MTA1: variants seen among roughly 807,000 people sequenced by gnomAD.
MTA1 encodes the protein metastasis-associated protein MTA1.
MTA1 carries 15 observed loss-of-function variants against 97.0 expected under a neutral mutation model. That is an observed-to-expected ratio of 0.15 (90% CI 0.10 to 0.24). The LOEUF is 0.24. Ranked by LOEUF, MTA1 falls within the 10% of genes least tolerant of loss-of-function variation. The pLI, the probability that MTA1 is intolerant of heterozygous loss-of-function variation, is 1.00. For missense variants in MTA1, 709 were observed against 1,015.1 expected (o/e 0.70, Z 4.10); for synonymous variants, 435 against 417.5 (o/e 1.04, Z -0.51).
intron 18 of MTA1, chr14:105,467,732 G>T (rs1254878691): frequency 3.0e-6 from 1 of 332,480 alleles, no homozygotes; most frequent in Non-Finnish European, 5.9e-6. Flanking sequence ...CTAGTCCTGG[G>T]CCCAGGGCCA....
chr14:105,470,258 C>T lies in MTA1; in HGVS notation c.*43C>T. 1 of 1,399,476 alleles carries T rather than the reference C, an allele frequency of 7.1e-7. No individual in the cohort carries two copies. The highest frequency in any genetic ancestry group is 9.2e-7 in the Non-Finnish European group (1 of 1,081,132). 86.7% of individuals were successfully genotyped at this position (1,399,476 alleles called of 1,614,324 possible). A position where few individuals can be genotyped will look rare whatever the true frequency, so the allele number is the denominator to read the frequency against. ...GGCCGCCCCCCGCCCCTCGCCCGCC[C>T]ACACGGCCCCTTCCCAGCCAGCCCG... On this transcript the variant is annotated 3_prime_UTR_variant, in exon 21 of 21. Coordinates refer to ENST00000331320, the MANE Select transcript of MTA1 (RefSeq NM_004689.4).
At chr14:105,466,603 G>C (rs924873210) in intron 17 of MTA1, 25 bp downstream of exon 17, 2 of 1,568,954 alleles carry the variant, frequency 1.3e-6, no homozygotes, top group Non-Finnish European at 1.7e-6. Flanking sequence ...CGCCCGGTGA[G>C]TGTGGCCCTC....
rs1555421906 is a variant in MTA1 at position 105,424,998 on chromosome 14, G to T, written c.28+4935G>T. Among the ~76,000 whole-genome samples, 3 of 152,226 alleles carry T rather than the reference G, an allele frequency of 2.0e-5. No individual in the cohort carries two copies. The highest frequency in any genetic ancestry group is 4.4e-5 in the Non-Finnish European group (3 of 68,032). ...TGGCCCTGCAGGCATCCTACCTAGAGGTGGGTCCCCAGCTGCGCATCTGGA... is the reference window on the plus strand; with the variant it reads ...TGGCCCTGCAGGCATCCTACCTAGATGTGGGTCCCCAGCTGCGCATCTGGA... On this transcript the variant is annotated intron_variant, in intron 1 of 20. Transcript: ENST00000331320. The surrounding 1 kb of genome is among the most constrained non-coding windows in gnomAD (Gnocchi z 4.0).
Position 105,420,002 on chromosome 14 carries a change from CGCCCCGGGCCCCTCCGCCGCCGCCG to C in MTA1, c.-29_-5del. 9.8e-7 allele frequency: 1 copy of C among 1,021,080 alleles called. No homozygotes were observed. Among genetic ancestry groups the C allele is most frequent in the Non-Finnish European group, 1.2e-6 (1 of 856,982 alleles). The allele number at this position is 1,021,080 out of a possible 1,614,324, so 63.3% of individuals were successfully genotyped here. A position where few individuals can be genotyped will look rare whatever the true frequency, so the allele number is the denominator to read the frequency against. On this transcript the variant is annotated 5_prime_UTR_variant, in exon 1 of 21. Transcript: ENST00000331320. This position sits in a 1 kb window ranked among gnomAD's most constrained non-coding sequence, Gnocchi z 5.3. ...GGCCGCCCGCGCCGAGCGCCGCGCC[CGCCCCGGGCCCCTCCGCCGCCGCCG>C]GCCCGGACATGGCCGCCAACATGTA...
chr14:105,456,859 C>T (rs1468249063), intron 7 of MTA1, among the ~76,000 whole-genome samples: 2 of 152,236 alleles, frequency 1.3e-5, no homozygotes, highest in African/African-American at 4.8e-5. Context: ...CAGCCCCAGT[C>T]CCTGGCTGAC....
chr14:105,427,654 G>T (rs2082051836), intron 1 of MTA1, among the ~76,000 whole-genome samples: 1 of 152,142 alleles, frequency 6.6e-6, no homozygotes, highest in East Asian at 1.9e-4. Flanking sequence ...AGTATTAGTG[G>T]TGACTTTATG....
At chr14:105,447,159 C>T (rs1054193019) in intron 3 of MTA1, among the ~76,000 whole-genome samples, 6 of 152,056 alleles carry the variant, frequency 3.9e-5, no homozygotes, top group African/African-American at 7.2e-5. Context: ...AGGGCTGGCC[C>T]GCTGGAGAAG....
intron 2 of MTA1, among the ~76,000 whole-genome samples, chr14:105,444,256 T>A (rs1488301868): frequency 5.9e-5 from 9 of 151,710 alleles, no homozygotes; most frequent in African/African-American, 2.2e-4. Flanking sequence ...GCGCCTGTAG[T>A]CCCAGCTACT....
At chr14:105,451,829 T>C (rs939896359) in intron 6 of MTA1, among the ~76,000 whole-genome samples, 12 of 143,884 alleles carry the variant, frequency 8.3e-5, no homozygotes, top group African/African-American at 2.3e-4. Context: ...TCGCTCTTGT[T>C]GCCCAGGCTG....
rs1224822668 is a variant in MTA1, at chr14:105,419,948, C to A, written c.-88C>A. The A allele has an allele frequency of 4.0e-6, 2 of 496,482 alleles. No individual in the cohort carries two copies. Among genetic ancestry groups the A allele is most frequent in the East Asian group, 2.9e-4 (2 of 6,934 alleles). 30.8% of individuals were successfully genotyped at this position (496,482 alleles called of 1,614,324 possible). A position where few individuals can be genotyped will look rare whatever the true frequency, so the allele number is the denominator to read the frequency against. On this transcript the variant is annotated 5_prime_UTR_variant, in exon 1 of 21. Transcript: ENST00000331320. ...CCCTTTAAACGCCTGCGGCGCCCCC[C>A]GCCCCCGCCATCGCGCCTCCATTTT...
intron 10 of MTA1, among the ~76,000 whole-genome samples, chr14:105,461,565 G>T (rs2083347876): frequency 6.6e-6 from 1 of 152,242 alleles, no homozygotes; most frequent in Non-Finnish European, 1.5e-5. Flanking sequence ...ACTGTGGCAG[G>T]GCAGGGAGGA....
intron 1 of MTA1, 46 bp from the exon 2 acceptor site, chr14:105,438,626 T>G (rs1180416616): frequency 1.3e-6 from 2 of 1,584,384 alleles, no homozygotes; most frequent in Non-Finnish European, 1.7e-6. Flanking sequence ...GGACTGGGTC[T>G]GGCCTTTGGT....
rs587728000 is a variant in MTA1, at chr14:105,436,576, G to A, written c.29-2096G>A. 6.4e-3 allele frequency among the ~76,000 whole-genome samples: 980 copies of A among 152,192 alleles called. 17 individuals carry two copies. Among genetic ancestry groups the A allele is most frequent in the African/African-American group, 0.02 (844 of 41,532 alleles). ...GTAGGTGGCCCCACTGCACGCAGCC[G>A]TCGTGCCTGCCACCTCCCCCGAGAG... is the stretch of plus-strand genomic sequence containing the variant. On this transcript the variant is annotated intron_variant, in intron 1 of 20. Coordinates refer to ENST00000331320, the MANE Select transcript of MTA1 (RefSeq NM_004689.4).
chr14:105,427,864 C>CA (rs1292691235), intron 1 of MTA1, among the ~76,000 whole-genome samples: 1 of 151,584 alleles, frequency 6.6e-6, no homozygotes, highest in African/African-American at 2.4e-5. Context: ...ACTAAAAATA[C>CA]AAAAAAAGCC....
intron 1 of MTA1, among the ~76,000 whole-genome samples, chr14:105,433,186 C>T (rs1171622163): frequency 6.6e-6 from 1 of 152,196 alleles, no homozygotes; most frequent in Admixed American, 6.5e-5. Flanking sequence ...TCCGGCGTCT[C>T]TCCCAGCAGA....
At chr14:105,447,127 G>C (rs1166991216) in intron 3 of MTA1, among the ~76,000 whole-genome samples, 2 of 152,234 alleles carry the variant, frequency 1.3e-5, no homozygotes, top group African/African-American at 2.4e-5. Context: ...TAGTGTTGGA[G>C]GCTGGCCTAT....
chr14:105,426,819 A>G (rs1298199190), intron 1 of MTA1, among the ~76,000 whole-genome samples: 3 of 152,218 alleles, frequency 2.0e-5, no homozygotes, highest in Non-Finnish European at 4.4e-5. Flanking sequence ...ATAAAAATAC[A>G]GGACACCCCT....
In MTA1 at chr14:105,427,948, G is replaced by A. The variant is rs376502554; in HGVS notation, c.28+7885G>A. On this transcript the variant is annotated intron_variant, in intron 1 of 20. Transcript: ENST00000331320. ...CATGAGAATCACTTGCGTGCAGGACGCAGAGGTTGCAGTGAGTGGAGATCG... is the reference window on the plus strand; with the variant it reads ...CATGAGAATCACTTGCGTGCAGGACACAGAGGTTGCAGTGAGTGGAGATCG... Among the ~76,000 whole-genome samples the A allele has an allele frequency of 2.6e-3, 374 of 142,446 alleles. 3 individuals are homozygous for A. The highest frequency in any genetic ancestry group is 9.7e-3 in the African/African-American group (358 of 36,730). 93.5% of individuals were successfully genotyped at this position (142,446 alleles called of 152,430 possible).
chr14:105,468,475 C>G, intron 18 of MTA1: 1 of 929,080 alleles, frequency 1.1e-6, no homozygotes. Flanking sequence ...CCACCTGACC[C>G]TGCCCGGCAG....
Sources: allele counts gnomAD v4.1 joint callset (sites outside exome capture counted in the v4.1 genomes callset), GRCh38; gene constraint gnomAD v4.1.1; non-coding constraint Gnocchi (gnomAD v3.1); transcripts MANE v1.5; gene names NCBI Gene and HGNC (gene_info 2026-07-23, HGNC 2026-07-21).